WSB1: variants seen among roughly 807,000 people sequenced by gnomAD.
The protein encoded by WSB1 is WD repeat and SOCS box containing 1.
WSB1 carries 23 observed loss-of-function variants against 50.2 expected under a neutral mutation model. That is an observed-to-expected ratio of 0.46 (90% CI 0.33 to 0.65). The LOEUF (loss-of-function observed/expected upper bound fraction) is 0.65. Ranked by LOEUF, WSB1 falls within the 30% of genes least tolerant of loss-of-function variation. The pLI, the probability that WSB1 is intolerant of heterozygous loss-of-function variation, is 0.02. For missense variants in WSB1, 492 were observed against 522.3 expected, an observed-to-expected ratio of 0.94 and a Z score of 0.56; for synonymous variants, 179 against 172.0, an observed-to-expected ratio of 1.04 and a Z score of -0.32.
chr17:27,311,814 G>A (rs994583071), intron 8 of WSB1, among the ~76,000 whole-genome samples, 198 bp downstream of exon 8: 4 of 151,564 alleles, frequency 2.6e-5, no homozygotes, highest in East Asian at 3.9e-4. Context: ...TTGTTTGTTC[G>A]TTTTTCCAGT....
intron 7 of WSB1, 94 bp downstream of exon 7, chr17:27,310,268 T>G: frequency 1.8e-6 from 2 of 1,086,506 alleles, no homozygotes; most frequent in Non-Finnish European, 2.7e-6. Context: ...TTAATGTCTC[T>G]TCCTCAACAC....
chr17:27,309,345 C>A, intron 6 of WSB1, 73 bp downstream of exon 6: 1 of 1,220,936 alleles, frequency 8.2e-7, no homozygotes, highest in Non-Finnish European at 1.1e-6. Context: ...ATTACAATCA[C>A]CAATATATGC....
At chr17:27,310,199 C>G (rs1163308006) in intron 7 of WSB1, 25 bp downstream of exon 7, 1 of 1,599,816 alleles carries the variant, frequency 6.3e-7, no homozygotes, top group Admixed American at 1.7e-5. Flanking sequence ...TATAGCTTGA[C>G]TGACTTACTA....
Position 27,313,456 on chromosome 17 carries a change from C to T in WSB1, c.*1087C>T, listed in dbSNP as rs1171189578. The T allele has an allele frequency of 1.4e-5, 2 of 146,702 alleles. No individual in the cohort carries two copies. Among genetic ancestry groups the T allele is most frequent in the Admixed American group, 1.4e-4 (2 of 14,650 alleles). 9.1% of individuals were successfully genotyped at this position (146,702 alleles called of 1,614,324 possible). A position where few individuals can be genotyped will look rare whatever the true frequency, so the allele number is the denominator to read the frequency against. On this transcript the variant is annotated 3_prime_UTR_variant, in exon 9 of 9. Transcript: ENST00000262394. ...ATGGATTTAAAAAAAAAAAAAAAAA[C>T]TCTGTTTCTGCAGGGGATGATATTG... is the stretch of plus-strand genomic sequence containing the variant.
intron 5 of WSB1, 92 bp from the exon 6 acceptor site, chr17:27,309,008 T>C: frequency 7.1e-7 from 1 of 1,403,962 alleles, no homozygotes; most frequent in Middle Eastern, 1.9e-4. Flanking sequence ...CTTAATATAA[T>C]CTTAATTAAA....
At chr17:27,309,985 AGATGTACTTTGTACCT>A in intron 6 of WSB1, 60 bp from the exon 7 acceptor site, 1 of 1,126,462 alleles carries the variant, frequency 8.9e-7, no homozygotes, top group Non-Finnish European at 1.3e-6. Context: ...ATTCAAAGAC[AGATGTACTTTGTACCT>A]GGGTAATTTT....
In WSB1 at chr17:27,296,944, A is replaced by G. The variant is rs117888760; in HGVS notation, c.40+2509A>G. ...ATCTGAGCACTTAAATCATTTTATT[A>G]AAGTGCCAAAGGCAATTTGATATAC... On this transcript the variant is annotated intron_variant, in intron 1 of 8. Transcript: ENST00000262394. 2.6e-3 allele frequency among the ~76,000 whole-genome samples: 397 copies of G among 152,352 alleles called. 8 individuals carry two copies. In the East Asian group the frequency reaches 0.057, roughly 22 times the overall value.
rs764749141 is a variant in WSB1, at chr17:27,304,912, GTA to G, written c.610+3_610+4del. 1.2e-6 allele frequency: 2 copies of G among 1,613,800 alleles called. No homozygotes were observed. Among genetic ancestry groups the G allele is most frequent in the Non-Finnish European group, 1.7e-6 (2 of 1,179,828 alleles). On this transcript the variant is annotated splice_donor_variant and splice_donor_region_variant and intron_variant, in intron 4 of 8. Transcript: ENST00000262394. LOFTEE classifies it high-confidence loss of function. ...AGAGTATGGGACCTGAAAGATGATG[GTA>G]TGTCTTTTTTCCAAGCTATGAACTA... is the stretch of plus-strand genomic sequence containing the variant.
intron 4 of WSB1, among the ~76,000 whole-genome samples, chr17:27,305,348 CAT>C (rs534090058): frequency 6.4e-4 from 98 of 152,250 alleles, no homozygotes; most frequent in African/African-American, 2.3e-3. Context: ...GAACTTATAA[CAT>C]GTGAATATTA....
Position 27,311,633 on chromosome 17 carries a change from CTTTTTTTTTTTTTTTT to C in WSB1, c.1106+28_1106+43del, listed in dbSNP as rs142949229. 1.6e-5 allele frequency: 8 copies of C among 490,706 alleles called. No homozygotes were observed. In the Middle Eastern group the frequency reaches 1.8e-3, roughly 108 times the overall value. The allele number at this position is 490,706 out of a possible 1,614,324, so 30.4% of individuals were successfully genotyped here. A position where few individuals can be genotyped will look rare whatever the true frequency, so the allele number is the denominator to read the frequency against. Reference sequence around the variant, plus strand: ...AGCTGCTGGGTAAATATATTTTTCTCTTTTTTTTTTTTTTTTTTTTTTTTTTGAGATGTAGTCTCCC... The same window carrying C: ...AGCTGCTGGGTAAATATATTTTTCTCTTTTTTTTTTGAGATGTAGTCTCCC... On this transcript the variant is annotated intron_variant, in intron 8 of 8. Transcript: ENST00000262394.
intron 1 of WSB1, among the ~76,000 whole-genome samples, chr17:27,300,989 TCTC>T (rs1466010569): frequency 1.3e-5 from 2 of 152,086 alleles, no homozygotes; most frequent in South Asian, 2.1e-4. Context: ...TTCAGGCAAT[TCTC>T]CTGCTTCATC....
chr17:27,297,485 TTA>T (rs1291227021), intron 1 of WSB1, among the ~76,000 whole-genome samples: 1 of 151,690 alleles, frequency 6.6e-6, no homozygotes, highest in Non-Finnish European at 1.5e-5. Flanking sequence ...TTTTTTTTTT[TTA>T]GACAGAGTCT....
chr17:27,311,629 TTC>T lies in WSB1; in HGVS notation c.1106+17_1106+18del, dbSNP rs376158513. On this transcript the variant is annotated intron_variant, in intron 8 of 8. Transcript: ENST00000262394. Reference sequence around the variant, plus strand: ...TTTTAGCTGCTGGGTAAATATATTTTTCTCTTTTTTTTTTTTTTTTTTTTTTT... The same window carrying T: ...TTTTAGCTGCTGGGTAAATATATTTTTCTTTTTTTTTTTTTTTTTTTTTTT... 740 of 1,505,696 alleles carry T rather than the reference TTC, an allele frequency of 4.9e-4. 10 individuals carry two copies. The East Asian group carries it at 0.014, about 29-fold the overall frequency. 93.3% of individuals were successfully genotyped at this position (1,505,696 alleles called of 1,614,324 possible). A position where few individuals can be genotyped will look rare whatever the true frequency, so the allele number is the denominator to read the frequency against.
intron 5 of WSB1, chr17:27,308,811 G>T: frequency 9.8e-7 from 1 of 1,025,580 alleles, no homozygotes. Flanking sequence ...TGGAATAAAT[G>T]GATTTCAGTA....
intron 1 of WSB1, among the ~76,000 whole-genome samples, chr17:27,299,961 G>T (rs1026218122): frequency 2.3e-5 from 3 of 133,002 alleles, no homozygotes; most frequent in African/African-American, 5.2e-5. Context: ...TAGGTCTCAG[G>T]CTTTTTGTTT....
In WSB1 at chr17:27,314,605, G is replaced by A. The variant is rs1175025771; in HGVS notation, c.*2236G>A. On this transcript the variant is annotated 3_prime_UTR_variant, in exon 9 of 9. Coordinates refer to ENST00000262394, the MANE Select transcript of WSB1 (RefSeq NM_015626.10). ...AGATACCATTACTTTTCATATCATTGCATTATTTTTGCTTTCCACACCAAC... is the reference window on the plus strand; with the variant it reads ...AGATACCATTACTTTTCATATCATTACATTATTTTTGCTTTCCACACCAAC... 1 of 152,084 alleles carries A rather than the reference G, an allele frequency of 6.6e-6. No individual in the cohort carries two copies. The highest frequency in any genetic ancestry group is 1.5e-5 in the Non-Finnish European group (1 of 68,018). 9.4% of individuals were successfully genotyped at this position (152,084 alleles called of 1,614,324 possible). A position where few individuals can be genotyped will look rare whatever the true frequency, so the allele number is the denominator to read the frequency against.
At chr17:27,308,608 A>G (rs2017551524) in intron 5 of WSB1, 3 of 985,796 alleles carry the variant, frequency 3.0e-6, no homozygotes, top group Non-Finnish European at 3.6e-6. Flanking sequence ...TCCTAGGCTC[A>G]AGTTGGTGAC....
chr17:27,305,866 A>G (rs560567243), intron 4 of WSB1, among the ~76,000 whole-genome samples: 20 of 152,320 alleles, frequency 1.3e-4, no homozygotes, highest in Middle Eastern at 3.4e-3. Flanking sequence ...TCTCAAACTA[A>G]TTTCAGCAAT....
In WSB1 at chr17:27,308,182, A is replaced by G. The variant is rs878897440; in HGVS notation, c.712-918A>G. The G allele has an allele frequency of 5.1e-5, 51 of 990,306 alleles. No homozygotes were observed. The South Asian group carries it at 2.2e-3, about 42-fold the overall frequency. 61.3% of individuals were successfully genotyped at this position (990,306 alleles called of 1,614,324 possible). A position where few individuals can be genotyped will look rare whatever the true frequency, so the allele number is the denominator to read the frequency against. ...TTAAAATTTGTACTTATTTTCTTTT[A>G]GAAATAATGTATTGTGTCTGTGCAG... On this transcript the variant is annotated intron_variant, in intron 5 of 8. Transcript: ENST00000262394.
Sources: allele counts gnomAD v4.1 joint callset (sites outside exome capture counted in the v4.1 genomes callset), GRCh38; gene constraint gnomAD v4.1.1; transcripts MANE v1.5; gene names NCBI Gene and HGNC (gene_info 2026-07-23, HGNC 2026-07-21).